PIP5K1A: variants seen among roughly 807,000 people sequenced by gnomAD.
The protein encoded by PIP5K1A is phosphatidylinositol 4-phosphate 5-kinase type-1 alpha.
A neutral mutation model predicts 72.9 loss-of-function variants in PIP5K1A; 46 were observed. The observed-to-expected ratio is 0.63, with a 90% CI of 0.50 to 0.81. PIP5K1A has a LOEUF of 0.81. PIP5K1A is among the 30% of genes least tolerant of loss of function. The pLI, the probability that PIP5K1A is intolerant of heterozygous loss-of-function variation, is 0.00. For synonymous variants in PIP5K1A, 228 were observed against 255.1 expected (o/e 0.89, Z 1.01); for missense variants, 458 against 706.1 (o/e 0.65, Z 3.98).
chr1:151,216,937 G>A (rs61817975), intron 1 of PIP5K1A, among the ~76,000 whole-genome samples: 1 of 14,198 alleles, frequency 7.0e-5, no homozygotes, highest in Non-Finnish European at 1.8e-4. Flanking sequence ...TTTTGAGACG[G>A]AGTCTCGCTC....
rs746719401 is a variant in PIP5K1A at position 151,227,308 on chromosome 1, CTCT to C, written c.157-5_157-3del. The C allele has an allele frequency of 1.9e-6, 3 of 1,577,824 alleles. No individual in the cohort carries two copies. Among genetic ancestry groups the C allele is most frequent in the Admixed American group, 1.7e-5 (1 of 59,830 alleles). ...CATGGGAATTGTATTATAATCTTGA[CTCT>C]TCTTCTAGGTGCCTTATGCCTCTGG... On this transcript the variant is annotated splice_polypyrimidine_tract_variant and intron_variant, in intron 3 of 15. Transcript: ENST00000368888.
chr1:151,198,721 A>G lies in PIP5K1A; in HGVS notation c.-276A>G. 1.9e-6 allele frequency: 1 copy of G among 518,638 alleles called. No homozygotes were observed. The highest frequency in any genetic ancestry group is 3.5e-6 in the Non-Finnish European group (1 of 286,832). The allele number at this position is 518,638 out of a possible 1,614,324, so 32.1% of individuals were successfully genotyped here. On this transcript the variant is annotated 5_prime_UTR_variant, in exon 1 of 16. Transcript: ENST00000368888. ...AGGTCCCAGCAGCCAGCTTAAGCTT[A>G]CTCTTCTGTGAAAGGGGAAAGTATC...
chr1:151,215,915 A>G (rs1451687354), intron 1 of PIP5K1A: 2 of 1,195,992 alleles, frequency 1.7e-6, no homozygotes, highest in Admixed American at 4.6e-5. Flanking sequence ...GCTGTAAGCA[A>G]ATGGGACCCC....
At position 151,224,295 on chromosome 1, in the gene PIP5K1A, A is replaced by T; in HGVS notation, c.120+16A>T. 2 of 1,612,058 alleles carry T rather than the reference A, an allele frequency of 1.2e-6. No individual in the cohort carries two copies. Among genetic ancestry groups the T allele is most frequent in the Non-Finnish European group, 1.7e-6 (2 of 1,178,238 alleles). On this transcript the variant is annotated intron_variant, in intron 2 of 15. Transcript: ENST00000368888. The stretch of plus-strand genomic sequence containing the variant: ...GGCATCTGAGGTGAGTTTCATACTG[A>T]TACAATGGTTACTAAAACCTTAATT...
At chr1:151,230,998 G>A (rs1243101869) in intron 4 of PIP5K1A, among the ~76,000 whole-genome samples, 1 of 152,152 alleles carries the variant, frequency 6.6e-6, no homozygotes, top group Admixed American at 6.5e-5. Context: ...CTGAGGTTAG[G>A]AGCTTGAGAC....
intron 1 of PIP5K1A, among the ~76,000 whole-genome samples, chr1:151,223,644 CAA>C (rs34562554): frequency 2.1e-4 from 25 of 120,356 alleles, no homozygotes; most frequent in Non-Finnish European, 2.3e-4. Flanking sequence ...GACTCTGTCT[CAA>C]AAAAAAAAAA....
intron 8 of PIP5K1A, among the ~76,000 whole-genome samples, chr1:151,235,442 A>G (rs960625952): frequency 6.6e-6 from 1 of 152,236 alleles, no homozygotes; most frequent in Non-Finnish European, 1.5e-5. Context: ...ACTGTTGCAC[A>G]TATTAAACTG....
intron 1 of PIP5K1A, among the ~76,000 whole-genome samples, chr1:151,213,326 G>A (rs1259202071): frequency 1.3e-5 from 2 of 152,054 alleles, no homozygotes; most frequent in African/African-American, 4.8e-5. Flanking sequence ...TTTCACTTTG[G>A]CATTTGACTT....
intron 3 of PIP5K1A, among the ~76,000 whole-genome samples, chr1:151,225,940 C>A (rs1262135868): frequency 6.6e-6 from 1 of 151,484 alleles, no homozygotes; most frequent in Non-Finnish European, 1.5e-5. Context: ...CCACGCCAGG[C>A]AAATTTTTTG....
upstream of PIP5K1A, among the ~76,000 whole-genome samples, chr1:151,197,303 C>G (rs1684647219): frequency 6.6e-6 from 1 of 151,646 alleles, no homozygotes; most frequent in African/African-American, 2.4e-5. Flanking sequence ...TGTTTTGAGA[C>G]AGTTTCGCTC....
chr1:151,197,318 G>A (rs1684649059), upstream of PIP5K1A, among the ~76,000 whole-genome samples: 1 of 151,720 alleles, frequency 6.6e-6, no homozygotes, highest in African/African-American at 2.4e-5. Context: ...TCGCTCTGTC[G>A]TCCAGGCTAG....
rs140672119 is a variant in PIP5K1A at position 151,203,879 on chromosome 1, G to T, written c.85+4798G>T. On this transcript the variant is annotated intron_variant, in intron 1 of 15. Transcript: ENST00000368888. ...TAAACCCTAGATAATCATGAGCTGTGTAGTTCCTTTTGCTTCAGACTAGAA... is the reference window on the plus strand; with the variant it reads ...TAAACCCTAGATAATCATGAGCTGTTTAGTTCCTTTTGCTTCAGACTAGAA... Among the ~76,000 whole-genome samples, 513 of 152,014 alleles carry T rather than the reference G, an allele frequency of 3.4e-3. 2 individuals carry two copies. Among genetic ancestry groups the T allele is most frequent in the Middle Eastern group, 0.014 (4 of 294 alleles).
chr1:151,234,119 G>C lies in PIP5K1A; in HGVS notation c.640-78G>C, dbSNP rs894276930. The stretch of plus-strand genomic sequence containing the variant: ...CATATAGGAGATAAAGGGAGGATGG[G>C]TGGTAACTTTTACTGGTGAGTTTCA... On this transcript the variant is annotated intron_variant, in intron 7 of 15. Transcript: ENST00000368888. 7 of 1,037,814 alleles carry C rather than the reference G, an allele frequency of 6.7e-6. No individual in the cohort carries two copies. In the African/African-American group the frequency reaches 1.1e-4, roughly 17 times the overall value. 64.3% of individuals were successfully genotyped at this position (1,037,814 alleles called of 1,614,324 possible). A position where few individuals can be genotyped will look rare whatever the true frequency, so the allele number is the denominator to read the frequency against.
intron 1 of PIP5K1A, among the ~76,000 whole-genome samples, chr1:151,215,238 A>G (rs1035225099): frequency 6.6e-6 from 1 of 150,558 alleles, no homozygotes; most frequent in African/African-American, 2.4e-5. Flanking sequence ...GGGTTTCTCC[A>G]TGTTGGTCAT....
At chr1:151,232,876 G>T (rs1263224765) in intron 7 of PIP5K1A, among the ~76,000 whole-genome samples, 173 bp downstream of exon 7, 1 of 152,084 alleles carries the variant, frequency 6.6e-6, no homozygotes, top group African/African-American at 2.4e-5. Context: ...CGAGGCAAGA[G>T]GATCACAAGA....
At position 151,229,167 on chromosome 1, in the gene PIP5K1A, C is replaced by CAAAAAA. The variant is rs34356281; in HGVS notation, c.237+1788_237+1793dup. Among the ~76,000 whole-genome samples the CAAAAAA allele has an allele frequency of 7.3e-5, 3 of 41,352 alleles. 1 individual carries two copies. Among genetic ancestry groups the CAAAAAA allele is most frequent in the Admixed American group, 4.5e-4 (1 of 2,202 alleles). 27.1% of individuals were successfully genotyped at this position (41,352 alleles called of 152,430 possible). A position where few individuals can be genotyped will look rare whatever the true frequency, so the allele number is the denominator to read the frequency against. ...TGGGCAACAGAGCGAGACCCCGTCTCAAAAAAAAAAAAAAAAAAAAAAAAA... is the reference window on the plus strand; with the variant it reads ...TGGGCAACAGAGCGAGACCCCGTCTCAAAAAAAAAAAAAAAAAAAAAAAAAAAAAAA... On this transcript the variant is annotated intron_variant, in intron 4 of 15. Coordinates refer to ENST00000368888, the MANE Select transcript of PIP5K1A (RefSeq NM_001135638.2).
At chr1:151,231,260 G>C (rs1359538866) in intron 4 of PIP5K1A, among the ~76,000 whole-genome samples, 1 of 150,060 alleles carries the variant, frequency 6.7e-6, no homozygotes, top group East Asian at 1.9e-4. Flanking sequence ...AGTTACATTC[G>C]ATATCAGATG....
chr1:151,235,752 A>G (rs1414540280), intron 8 of PIP5K1A, among the ~76,000 whole-genome samples: 1 of 152,200 alleles, frequency 6.6e-6, no homozygotes, highest in Non-Finnish European at 1.5e-5. Flanking sequence ...AAGAACAAAG[A>G]TGGTCTTGTG....
upstream of PIP5K1A, among the ~76,000 whole-genome samples, chr1:151,195,703 C>A (rs925043904): frequency 2.0e-5 from 3 of 151,284 alleles, no homozygotes; most frequent in Admixed American, 1.3e-4. Flanking sequence ...GTAAGCCAAG[C>A]GCCACTGCAC....
Sources: allele counts gnomAD v4.1 joint callset (sites outside exome capture counted in the v4.1 genomes callset), GRCh38; gene constraint gnomAD v4.1.1; transcripts MANE v1.5; gene names NCBI Gene and HGNC (gene_info 2026-07-23, HGNC 2026-07-21).